The following AKAP13 variants were observed in gnomAD, a reference collection of about 807,000 sequenced individuals.
The protein encoded by AKAP13 is A-kinase anchor protein 13.
Under a neutral mutation model 264.5 loss-of-function variants are expected in AKAP13, and 80 were observed. The observed-to-expected ratio is 0.30, with a 90% confidence interval of 0.25 to 0.36. AKAP13 has a LOEUF of 0.36. Among genes scored for constraint, AKAP13 ranks in the 10% least tolerant of loss-of-function variants. The pLI, the probability that AKAP13 is intolerant of heterozygous loss-of-function variation, is 1.00. For synonymous variants in AKAP13, 1,380 were observed against 1,250.2 expected (o/e 1.10, Z -2.19); for missense variants, 3,712 against 3,435.2 (o/e 1.08, Z -2.01).
rs542789907 is a variant in AKAP13 at position 85,531,687 on chromosome 15, C to T, written c.182-1897C>T. On this transcript the variant is annotated intron_variant, in intron 3 of 36. Coordinates refer to ENST00000394518, the MANE Select transcript of AKAP13 (RefSeq NM_007200.5). ...GTGCATGCATGTGCACGTGCTCGCACTTGCACACACACACCAGGCAGCGGA... is the reference window on the plus strand; with the variant it reads ...GTGCATGCATGTGCACGTGCTCGCATTTGCACACACACACCAGGCAGCGGA... 2.6e-5 allele frequency among the ~76,000 whole-genome samples: 4 copies of T among 152,306 alleles called. No homozygotes were observed. The South Asian group carries it at 8.3e-4, about 32-fold the overall frequency.
At position 85,439,202 on chromosome 15, in the gene AKAP13, A is replaced by G. The variant is rs575471079; in HGVS notation, c.-11-46508A>G. Among the ~76,000 whole-genome samples the G allele has an allele frequency of 1.7e-3, 263 of 151,790 alleles. 1 individual carries two copies. Among genetic ancestry groups the G allele is most frequent in the African/African-American group, 6.2e-3 (256 of 41,390 alleles). ...CTCAAAAGAAGACATTTATGCAGCC[A>G]AAAAACACATGAAAAAATGCTCATC... is the stretch of plus-strand genomic sequence containing the variant. On this transcript the variant is annotated intron_variant, in intron 1 of 36. Transcript: ENST00000394518.
At chr15:85,504,603 G>C (rs1039344058) in intron 2 of AKAP13, among the ~76,000 whole-genome samples, 2 of 149,540 alleles carry the variant, frequency 1.3e-5, no homozygotes, top group East Asian at 2.0e-4. Context: ...GAGACAGGAG[G>C]GTTGCTCAAG....
intron 1 of AKAP13, among the ~76,000 whole-genome samples, chr15:85,431,732 T>G (rs1195108980): frequency 2.6e-5 from 4 of 152,214 alleles, no homozygotes; most frequent in Non-Finnish European, 5.9e-5. Context: ...TGAAATATTT[T>G]AAAACATTTT....
chr15:85,614,063 A>G (rs938434972), intron 8 of AKAP13, among the ~76,000 whole-genome samples: 1 of 152,166 alleles, frequency 6.6e-6, no homozygotes, highest in Non-Finnish European at 1.5e-5. Context: ...TTATTCTTCT[A>G]GCGGTGTAAT....
intron 5 of AKAP13, among the ~76,000 whole-genome samples, chr15:85,548,902 CT>C (rs72092593): frequency 0.019 from 2,376 of 123,280 alleles, 52 homozygotes; most frequent in African/African-American, 0.061. Context: ...ACCTCAGTGC[CT>C]TTTTTTTTTT....
At chr15:85,410,770 T>C (rs1052160068) in intron 1 of AKAP13, among the ~76,000 whole-genome samples, 4 of 151,652 alleles carry the variant, frequency 2.6e-5, no homozygotes, top group Admixed American at 6.6e-5. Flanking sequence ...AATCCTTCTC[T>C]AGCTGGTCCA....
chr15:85,600,168 A>G (rs2079992013), intron 8 of AKAP13, among the ~76,000 whole-genome samples: 2 of 152,308 alleles, frequency 1.3e-5, no homozygotes, highest in East Asian at 1.9e-4. Flanking sequence ...GCCTCTTGAC[A>G]GCATCTGTGA....
chr15:85,498,310 A>G (rs1186417286), intron 2 of AKAP13, among the ~76,000 whole-genome samples: 1 of 151,780 alleles, frequency 6.6e-6, no homozygotes, highest in Non-Finnish European at 1.5e-5. Flanking sequence ...GACATAGTGC[A>G]TGTAAAGTTA....
chr15:85,537,557 C>T (rs1567112594), intron 4 of AKAP13, among the ~76,000 whole-genome samples: 1 of 152,142 alleles, frequency 6.6e-6, no homozygotes, highest in African/African-American at 2.4e-5. Flanking sequence ...TTATAGGTGC[C>T]TATGTGCACA....
At chr15:85,702,478 T>TGTCCAGGATCTTCCCAGGAGTC (rs1412243226) in intron 17 of AKAP13, 2 of 152,170 alleles carry the variant, frequency 1.3e-5, no homozygotes, top group Non-Finnish European at 2.9e-5. Context: ...TCGCGTCTCA[T>TGTCCAGGATCTTCCCAGGAGTC]GTCCAGGATC....
chr15:85,477,543 T>C (rs1452867836), intron 1 of AKAP13, among the ~76,000 whole-genome samples: 1 of 149,440 alleles, frequency 6.7e-6, no homozygotes, highest in Non-Finnish European at 1.5e-5. Flanking sequence ...GAGTTTACGC[T>C]ACACAATTAC....
intron 1 of AKAP13, among the ~76,000 whole-genome samples, chr15:85,437,603 A>G (rs1279323558): frequency 1.3e-5 from 2 of 152,340 alleles, no homozygotes; most frequent in Admixed American, 1.3e-4. Flanking sequence ...CCAGCAGCAC[A>G]TCAAAAAGCT....
chr15:85,451,050 A>T (rs2074070697), intron 1 of AKAP13, among the ~76,000 whole-genome samples: 1 of 152,164 alleles, frequency 6.6e-6, no homozygotes, highest in Non-Finnish European at 1.5e-5. Flanking sequence ...TGTTGGGTGC[A>T]TATATATTTA....
At chr15:85,402,141 A>C (rs147365611) in intron 1 of AKAP13, among the ~76,000 whole-genome samples, 1 of 152,190 alleles carries the variant, frequency 6.6e-6, no homozygotes, top group Non-Finnish European at 1.5e-5. Context: ...TGTTTTCCCC[A>C]AAAAGTATCC....
intron 5 of AKAP13, among the ~76,000 whole-genome samples, chr15:85,545,192 C>T (rs1307660834): frequency 6.6e-6 from 1 of 152,208 alleles, no homozygotes; most frequent in Non-Finnish European, 1.5e-5. Flanking sequence ...CACTTCCCAT[C>T]TGGCCAATGA....
chr15:85,595,628 T>G (rs1187930994), intron 8 of AKAP13, among the ~76,000 whole-genome samples: 7 of 152,316 alleles, frequency 4.6e-5, no homozygotes, highest in Admixed American at 3.3e-4. Context: ...GAGACCCATG[T>G]TGTACCACAG....
At position 85,747,689 on chromosome 15, in the gene AKAP13, C is replaced by T. The variant is rs998438982; in HGVS notation, c.*3012C>T. ...TCAAATGTATTGACTGTGTTTTCTT[C>T]TTAGAAAATGGAGAGGGTTAAAAAC... On this transcript the variant is annotated 3_prime_UTR_variant, in exon 37 of 37. Coordinates refer to ENST00000394518, the MANE Select transcript of AKAP13 (RefSeq NM_007200.5). 3.9e-5 allele frequency: 6 copies of T among 152,622 alleles called. No individual in the cohort carries two copies. The highest frequency in any genetic ancestry group is 6.5e-5 in the Admixed American group (1 of 15,284). The allele number at this position is 152,622 out of a possible 1,614,324, so 9.5% of individuals were successfully genotyped here. A position where few individuals can be genotyped will look rare whatever the true frequency, so the allele number is the denominator to read the frequency against.
chr15:85,671,951 T>C (rs2151571565), intron 14 of AKAP13, among the ~76,000 whole-genome samples: 1 of 152,330 alleles, frequency 6.6e-6, no homozygotes, highest in Non-Finnish European at 1.5e-5. Context: ...ATGAAACACT[T>C]CATTATTTTT....
intron 1 of AKAP13, among the ~76,000 whole-genome samples, chr15:85,462,520 A>C (rs2074555718): frequency 6.6e-6 from 1 of 152,204 alleles, no homozygotes; most frequent in South Asian, 2.1e-4. Flanking sequence ...AGTTACTCAA[A>C]ATTTGAAGAA....
Sources: allele counts gnomAD v4.1 joint callset (sites outside exome capture counted in the v4.1 genomes callset), GRCh38; gene constraint gnomAD v4.1.1; transcripts MANE v1.5; gene names NCBI Gene and HGNC (gene_info 2026-07-23, HGNC 2026-07-21).